The following NF1 variants were observed in gnomAD, a reference collection of about 807,000 sequenced individuals.
NF1 encodes neurofibromin 1.
In NF1, 122 loss-of-function variants were observed where a neutral mutation model predicts 325.7. The ratio of observed to expected loss-of-function variants is 0.37; its 90% CI spans 0.32 to 0.44. The LOEUF is 0.44. Among genes scored for constraint, NF1 ranks in the 20% least tolerant of loss-of-function variants. The pLI is 1.00. For missense variants in NF1, 2,140 were observed against 3,415.4 expected, an observed-to-expected ratio of 0.63 and a Z score of 9.31; for synonymous variants, 1,091 against 1,186.0, an observed-to-expected ratio of 0.92 and a Z score of 1.65.
chr17:31,170,359 TTGTC>T (rs757112729), intron 5 of NF1, among the ~76,000 whole-genome samples: 17 of 152,336 alleles, frequency 1.1e-4, no homozygotes, highest in Non-Finnish European at 2.2e-4. Context: ...TTTACAAAGA[TTGTC>T]TGTAGTAGGA....
At chr17:31,105,724 G>A (rs17882421) in intron 1 of NF1, among the ~76,000 whole-genome samples, 1,678 of 152,216 alleles carry the variant, frequency 0.011, 13 homozygotes, top group Non-Finnish European at 0.017. Context: ...ATGTTGGTCA[G>A]GCTAGTCTTG....
chr17:31,296,417 A>G, intron 36 of NF1: 2 of 1,384,016 alleles, frequency 1.4e-6, no homozygotes, highest in Non-Finnish European at 2.1e-6. Flanking sequence ...GCATTAGGCA[A>G]AATTTTCAAT....
chr17:31,356,235 C>G (rs752088723), intron 51 of NF1: 34 of 460,838 alleles, frequency 7.4e-5, no homozygotes, highest in African/African-American at 1.4e-4. Context: ...GTTTAATTTG[C>G]ACCAGTAAGG....
chr17:31,118,179 A>G (rs999970325), intron 1 of NF1, among the ~76,000 whole-genome samples: 7 of 152,144 alleles, frequency 4.6e-5, no homozygotes, highest in Admixed American at 2.0e-4. Flanking sequence ...GTGCCTAGAA[A>G]TTGTGGGAAT....
At chr17:31,259,186 A>G (rs903222375) in intron 33 of NF1, 57 bp downstream of exon 33, 4 of 1,245,238 alleles carry the variant, frequency 3.2e-6, no homozygotes, top group African/African-American at 3.0e-5. Context: ...TTTCGGTTTC[A>G]CATAAATCCA....
chr17:31,340,217 C>A, intron 46 of NF1: 1 of 421,052 alleles, frequency 2.4e-6, no homozygotes, highest in Non-Finnish European at 4.3e-6. Flanking sequence ...ACAAAAGATA[C>A]AAAAGAGACT....
rs1306807858 is a variant in NF1, at chr17:31,259,057, T to C, written c.4358T>C (p.Val1453Ala). ...SKILQSIANH[V>A]LFTKEEHMRP... ...ATACTTCAGAGTATTGCCAATCATG[T>C]TCTCTTCACAAAAGAAGAACATATG... Residue 1453 changes from valine to alanine, a missense_variant, in exon 33 of 58, where the codon GTT becomes GCT. Physicochemically the swap from Val to Ala is moderately conservative, Grantham distance 64. Transcript: ENST00000358273. The C allele has an allele frequency of 6.2e-7, 1 of 1,602,650 alleles. No individual in the cohort carries two copies.
chr17:31,342,172 C>T (rs534562515), intron 47 of NF1, among the ~76,000 whole-genome samples: 8 of 152,282 alleles, frequency 5.3e-5, no homozygotes, highest in Admixed American at 5.2e-4. Flanking sequence ...AGTTAAGTAA[C>T]TTGCCCATGC....
Position 31,327,847 on chromosome 17 carries a change from T to A in NF1, c.5609+8T>A, listed in dbSNP as rs753289678. ...TTCTGACCCGAGTTTACGGTAGGTT[T>A]TTTAAAATTCTCTTCAGTTTGATTT... is the stretch of plus-strand genomic sequence containing the variant. On this transcript the variant is annotated splice_region_variant and intron_variant, in intron 38 of 57. Transcript: ENST00000358273. 1 of 1,612,842 alleles carries A rather than the reference T, an allele frequency of 6.2e-7. No homozygotes were observed. Among genetic ancestry groups the A allele is most frequent in the Non-Finnish European group, 8.5e-7 (1 of 1,179,288 alleles).
chr17:31,099,209 A>G (rs974203413), intron 1 of NF1, among the ~76,000 whole-genome samples: 10 of 152,196 alleles, frequency 6.6e-5, no homozygotes, highest in Non-Finnish European at 1.5e-4. Context: ...ACTGCTGATT[A>G]CAGACATATT....
Position 31,235,630 on chromosome 17 carries a change from TG to T in NF1, c.3730del (p.Val1244LeufsTer22), listed in dbSNP as rs2067185988. On this transcript the variant is annotated frameshift_variant, in exon 28 of 58. Transcript: ENST00000358273. LOFTEE classifies it high-confidence loss of function. ...CSQWDELARV[L>X]VTLFDSRHLL... is the part of the protein sequence containing the mutation. ...TCTCAGGATGAACTAGCTCGAGTTC[TG>T]GTTACTCTGTTTGATTCTCGGCATT... is the stretch of plus-strand genomic sequence containing the variant. The T allele has an allele frequency of 6.2e-7, 1 of 1,614,040 alleles. No individual in the cohort carries two copies. Among genetic ancestry groups the T allele is most frequent in the Admixed American group, 1.7e-5 (1 of 60,006 alleles).
At chr17:31,320,339 T>C in intron 36 of NF1, 4 of 1,348,788 alleles carry the variant, frequency 3.0e-6, no homozygotes, top group Non-Finnish European at 3.0e-6. Context: ...GGAGTCCTTT[T>C]ATTTAAAAAA....
At chr17:31,137,481 A>G (rs1377720966) in intron 1 of NF1, 1 of 152,144 alleles carries the variant, frequency 6.6e-6, no homozygotes, top group African/African-American at 2.4e-5. Flanking sequence ...ACACGTTCTC[A>G]GTACAGTTTT....
chr17:31,206,403 T>TA (rs2066624009), intron 12 of NF1, 32 bp downstream of exon 12: 10 of 1,612,706 alleles, frequency 6.2e-6, no homozygotes, highest in Non-Finnish European at 7.6e-6. Context: ...GAATCTCACC[T>TA]CCTTTCTATT....
chr17:31,202,947 G>C (rs1318324061), intron 11 of NF1, among the ~76,000 whole-genome samples: 1 of 152,044 alleles, frequency 6.6e-6, no homozygotes, highest in African/African-American at 2.4e-5. Context: ...GCTTTTTTCC[G>C]CTGTGGCTCA....
intron 1 of NF1, among the ~76,000 whole-genome samples, chr17:31,122,793 A>G (rs1411693007): frequency 3.9e-5 from 6 of 152,224 alleles, no homozygotes; most frequent in African/African-American, 1.4e-4. Flanking sequence ...TGGAGAAGAA[A>G]TGGTTAAAAA....
At chr17:31,111,192 G>C (rs1246105167) in intron 1 of NF1, among the ~76,000 whole-genome samples, 1 of 148,210 alleles carries the variant, frequency 6.7e-6, no homozygotes, top group Non-Finnish European at 1.5e-5. Context: ...CAGATCAATA[G>C]AAAATATCTA....
In NF1 at chr17:31,157,663, A is replaced by G. The variant is rs2065687440; in HGVS notation, c.205-1347A>G. Among the ~76,000 whole-genome samples the G allele has an allele frequency of 4.6e-5, 7 of 151,986 alleles. 1 individual carries two copies. In the South Asian group the frequency reaches 1.5e-3, roughly 32 times the overall value. ...ATATTCTCTTGTTATTTGAAACTAT[A>G]TAATGTTAACTGTAGGCCAGGCATG... On this transcript the variant is annotated intron_variant, in intron 2 of 57. Transcript: ENST00000358273.
At chr17:31,316,289 A>T (rs533008721) in intron 36 of NF1, among the ~76,000 whole-genome samples, 1 of 152,322 alleles carries the variant, frequency 6.6e-6, no homozygotes, top group South Asian at 2.1e-4. Flanking sequence ...GAACTCAAAG[A>T]TATCTTACCT....
Sources: allele counts gnomAD v4.1 joint callset (sites outside exome capture counted in the v4.1 genomes callset), GRCh38; gene constraint gnomAD v4.1.1; transcripts MANE v1.5; gene names NCBI Gene and HGNC (gene_info 2026-07-23, HGNC 2026-07-21).